Variants in TENM1 observed in about 807,000 individuals in gnomAD.
The protein encoded by TENM1 is teneurin transmembrane protein 1, also known as teneurin-1.
A neutral mutation model predicts 174.8 loss-of-function variants in TENM1; 35 were observed. That is an observed-to-expected ratio of 0.20 (90% CI 0.15 to 0.27). The LOEUF is 0.27. Ranked by LOEUF, TENM1 falls within the 10% of genes least tolerant of loss-of-function variation. The probability of loss-of-function intolerance (pLI) is 1.00; values close to 1 mark genes in which losing one functional copy is unlikely to be tolerated. For missense variants in TENM1, 1,633 were observed against 2,130.1 expected, an observed-to-expected ratio of 0.77 and a Z score of 4.59; for synonymous variants, 781 against 798.7, an observed-to-expected ratio of 0.98 and a Z score of 0.37.
chrX:124,530,079 A>G lies in TENM1; in HGVS notation c.2652-96T>C. ...CTTTGGAAAACAGTCAAGTATAACAAAGAAAACAATAATTTCACCAACCAG... is the reference window on the plus strand; with the variant it reads ...CTTTGGAAAACAGTCAAGTATAACAGAGAAAACAATAATTTCACCAACCAG... On this transcript the variant is annotated intron_variant, in intron 15 of 31. Transcript: ENST00000422452. 2.0e-6 allele frequency: 2 copies of G among 990,422 alleles called. 1 individual carries two copies. Among genetic ancestry groups the G allele is most frequent in the South Asian group, 4.9e-5 (2 of 40,468 alleles). 81.6% of individuals were successfully genotyped at this position (990,422 alleles called of 1,213,427 possible).
At chrX:124,574,631 C>T (rs1196814107) in intron 11 of TENM1, among the ~76,000 whole-genome samples, 1 of 110,476 alleles carries the variant, frequency 9.1e-6, no homozygotes, top group Non-Finnish European at 1.9e-5. Context: ...AGACAGAGAC[C>T]CTCTCTTTCT....
At chrX:124,698,659 C>G (rs1380969982) in intron 5 of TENM1, among the ~76,000 whole-genome samples, 2 of 111,459 alleles carry the variant, frequency 1.8e-5, no homozygotes, top group Non-Finnish European at 3.8e-5. Context: ...TCCATTTGTT[C>G]TGGGAATAAA....
At chrX:125,000,802 T>G in the TENM1 span, among the ~76,000 whole-genome samples, 1 of 111,543 alleles carries the variant, frequency 9.0e-6, no homozygotes, top group Non-Finnish European at 1.9e-5. Context: ...CATCTTGAGC[T>G]CCTCATTACA....
intron 11 of TENM1, among the ~76,000 whole-genome samples, chrX:124,634,542 C>T (rs868576134): frequency 1.2e-4 from 13 of 110,789 alleles, no homozygotes; most frequent in Middle Eastern, 4.7e-3. Context: ...ATGGTGTTTG[C>T]ATTACATTTT....
chrX:124,462,973 G>A (rs1037822067), intron 22 of TENM1, among the ~76,000 whole-genome samples: 11 of 111,532 alleles, frequency 9.9e-5, no homozygotes, highest in African/African-American at 3.6e-4. Flanking sequence ...TGGGAAAAGT[G>A]GGGTTGACAA....
the TENM1 span, among the ~76,000 whole-genome samples, chrX:125,162,918 T>A: frequency 9.0e-6 from 1 of 111,000 alleles, no homozygotes; most frequent in Non-Finnish European, 1.9e-5. Context: ...AATGCCCAAT[T>A]TCATTTAATA....
intron 3 of TENM1, among the ~76,000 whole-genome samples, chrX:124,873,483 T>C (rs1427713048): frequency 8.9e-6 from 1 of 112,104 alleles, no homozygotes; most frequent in African/African-American, 3.2e-5. Context: ...TACATAGATA[T>C]GAAATGGAAT....
the TENM1 span, among the ~76,000 whole-genome samples, chrX:124,974,400 T>C: frequency 1.8e-5 from 2 of 111,816 alleles, no homozygotes; most frequent in African/African-American, 3.3e-5. Context: ...ATTTTAAAAC[T>C]ATTACAATGG....
At chrX:124,708,998 T>C (rs2052979250) in intron 4 of TENM1, among the ~76,000 whole-genome samples, 1 of 111,528 alleles carries the variant, frequency 9.0e-6, no homozygotes, top group African/African-American at 3.3e-5. Context: ...GATCCTTATA[T>C]GTCTGTGAAG....
exon 32 of TENM1, chrX:124,380,693 C>A: frequency 3.3e-6 from 4 of 1,211,757 alleles, no homozygotes; most frequent in African/African-American, 1.7e-5. Context: ...TGTCCATGCC[C>A]TAATCCCCTC....
chrX:124,465,560 G>T (rs1250146281), intron 22 of TENM1, among the ~76,000 whole-genome samples: 1 of 111,781 alleles, frequency 8.9e-6, no homozygotes, highest in Non-Finnish European at 1.9e-5. Flanking sequence ...TCTTAGTTAT[G>T]CCTTATTCCT....
chrX:125,005,772 G>A, the TENM1 span, among the ~76,000 whole-genome samples: 1 of 111,176 alleles, frequency 9.0e-6, no homozygotes, highest in Non-Finnish European at 1.9e-5. Context: ...CCTGGGAAGT[G>A]CACGGAGCCA....
intron 3 of TENM1, among the ~76,000 whole-genome samples, chrX:124,827,721 C>T (rs1336528812): frequency 3.6e-5 from 4 of 111,692 alleles, no homozygotes; most frequent in Admixed American, 1.9e-4. Context: ...AAGTGTCAAT[C>T]GGATAAGCAG....
At chrX:124,998,878 A>G in the TENM1 span, among the ~76,000 whole-genome samples, 1 of 111,735 alleles carries the variant, frequency 8.9e-6, no homozygotes, top group African/African-American at 3.2e-5. Context: ...ACATTTCTGG[A>G]ATTCTTCTTT....
intron 5 of TENM1, among the ~76,000 whole-genome samples, chrX:124,703,628 G>A (rs1448343139): frequency 9.0e-6 from 1 of 111,294 alleles, no homozygotes; most frequent in Non-Finnish European, 1.9e-5. Context: ...ATTTTAAAGG[G>A]ACTCTAATGT....
the TENM1 span, among the ~76,000 whole-genome samples, chrX:125,113,504 G>A: frequency 9.0e-6 from 1 of 111,375 alleles, no homozygotes; most frequent in Non-Finnish European, 1.9e-5. Flanking sequence ...TGAGTGTGTT[G>A]TATTCAGAAG....
At chrX:125,097,932 G>T in the TENM1 span, among the ~76,000 whole-genome samples, 10 of 110,678 alleles carry the variant, frequency 9.0e-5, no homozygotes, top group Non-Finnish European at 1.7e-4. Context: ...AATCTGGTAT[G>T]TTAAAATTTT....
chrX:124,741,509 A>G (rs982762197), intron 3 of TENM1, among the ~76,000 whole-genome samples: 4 of 111,918 alleles, frequency 3.6e-5, no homozygotes, highest in African/African-American at 9.7e-5. Flanking sequence ...GGGATGCAAC[A>G]TTCAGAAACA....
intron 3 of TENM1, among the ~76,000 whole-genome samples, chrX:124,763,516 C>T (rs1288183933): frequency 1.8e-5 from 2 of 111,252 alleles, no homozygotes; most frequent in Non-Finnish European, 3.8e-5. Context: ...CTTTGAAAAG[C>T]TTAGTCAGTG....
Sources: allele counts gnomAD v4.1 joint callset (sites outside exome capture counted in the v4.1 genomes callset), GRCh38; gene constraint gnomAD v4.1.1; transcripts MANE v1.5; gene names NCBI Gene and HGNC (gene_info 2026-07-23, HGNC 2026-07-21).